WASHC1: variants seen among roughly 807,000 people sequenced by gnomAD.
WASHC1 encodes WASH complex subunit 1.
In WASHC1, 11 loss-of-function variants were observed where a neutral mutation model predicts 26.1. That is an observed-to-expected ratio of 0.42 (90% CI 0.27 to 0.70). The LOEUF is 0.70. Among genes scored for constraint, WASHC1 ranks in the 30% least tolerant of loss-of-function variants. The pLI is 0.24. For synonymous variants in WASHC1, 37 were observed against 126.6 expected (o/e 0.29, Z 4.75); for missense variants, 96 against 304.9 (o/e 0.31, Z 5.10).
chr9:17,058 C>A (rs575380701), exon 7 of WASHC1: 24 of 1,480,278 alleles, frequency 1.6e-5, no homozygotes, highest in Non-Finnish European at 1.9e-5. Flanking sequence ...CCCAGGTCGG[C>A]ACTGTACATG....
chr9:21,992 G>GGT (rs1310900200), intron 2 of WASHC1, among the ~76,000 whole-genome samples: 1 of 144,946 alleles, frequency 6.9e-6, no homozygotes, highest in East Asian at 2.1e-4. Flanking sequence ...ACCCTGCCAG[G>GGT]GCAACCTGCA....
Position 14,927 on chromosome 9 carries a change from T to C in WASHC1, c.1278A>G (p.Lys426=), listed in dbSNP as rs775261222. 7.6e-5 allele frequency: 105 copies of C among 1,379,122 alleles called. 7 individuals are homozygous for C. The highest frequency in any genetic ancestry group is 9.8e-5 in the Non-Finnish European group (99 of 1,012,536). 85.4% of individuals were successfully genotyped at this position (1,379,122 alleles called of 1,614,324 possible). The change falls in exon 11 of 11, where the codon AAA becomes AAG. Residue 426 remains lysine, a synonymous_variant. Transcript: ENST00000442898. ...CGGGCCCCTCACCAGCCCCAGGTCC[T>C]TTCCCAGAGATGCCTGGAGGGAAAA... is the stretch of plus-strand genomic sequence containing the variant.
chr9:22,202 G>GT (rs1817033435), intron 2 of WASHC1, among the ~76,000 whole-genome samples: 1 of 131,124 alleles, frequency 7.6e-6, no homozygotes, highest in Non-Finnish European at 1.6e-5. Context: ...AAGCCAAGTG[G>GT]TGTGTCATAG....
intron 2 of WASHC1, among the ~76,000 whole-genome samples, chr9:21,524 G>A (rs1342493495): frequency 4.9e-4 from 62 of 125,478 alleles, no homozygotes; most frequent in African/African-American, 1.3e-3. Context: ...CTCCCTTCTT[G>A]TCCCTTCCGT....
chr9:25,553 C>CA (rs1357863520), intron 1 of WASHC1, among the ~76,000 whole-genome samples: 1 of 3,570 alleles, frequency 2.8e-4, no homozygotes, highest in South Asian at 4.7e-3. Flanking sequence ...ACAGACTGGG[C>CA]AGTGGCTAGT....
chr9:27,267 G>A (rs200283130), intron 1 of WASHC1, among the ~76,000 whole-genome samples: 3 of 86,990 alleles, frequency 3.4e-5, no homozygotes, highest in African/African-American at 9.3e-5. Flanking sequence ...GCGGTCTTGA[G>A]TGCTGAGGGT....
At chr9:26,853 CTT>C (rs1216623106) in intron 1 of WASHC1, among the ~76,000 whole-genome samples, 1 of 22,576 alleles carries the variant, frequency 4.4e-5, no homozygotes, top group South Asian at 2.1e-3. Context: ...ACAAATCCCT[CTT>C]GGAGTTAGGG....
intron 2 of WASHC1, among the ~76,000 whole-genome samples, chr9:21,732 G>A (rs1193025872): frequency 6.7e-6 from 1 of 150,260 alleles, no homozygotes; most frequent in African/African-American, 2.5e-5. Flanking sequence ...GTGGCACCGT[G>A]GGGACACAAA....
intron 1 of WASHC1, chr9:28,718 G>A (rs558011408): frequency 2.1e-5 from 2 of 96,852 alleles, no homozygotes; most frequent in Admixed American, 2.1e-4. Flanking sequence ...TTTTTTTTTT[G>A]CATCTATGAA....
At chr9:14,653 A>C (rs1232800437) in exon 11 of WASHC1, 1 of 1,203,264 alleles carries the variant, frequency 8.3e-7, no homozygotes, top group South Asian at 1.4e-5. Flanking sequence ...TGTGGCCTCA[A>C]GCCAGCCTTC....
intron 2 of WASHC1, among the ~76,000 whole-genome samples, chr9:23,618 G>A (rs1461371323): frequency 8.7e-6 from 1 of 115,036 alleles, no homozygotes; most frequent in Non-Finnish European, 1.7e-5. Context: ...CTCCAGGTCT[G>A]GCGACAACCA....
At chr9:14,831 C>G (rs758468440) in exon 11 of WASHC1, 34 of 1,510,258 alleles carry the variant, frequency 2.3e-5, no homozygotes, top group Non-Finnish European at 2.8e-5. Flanking sequence ...CGTCCTCGTC[C>G]TCCTCTGCCT....
chr9:14,724 G>C (rs1815998165), exon 11 of WASHC1: 6 of 1,423,704 alleles, frequency 4.2e-6, no homozygotes, highest in Non-Finnish European at 2.9e-6. Context: ...AGGGAAGCAG[G>C]TCTGAGCAGC....
intron 2 of WASHC1, among the ~76,000 whole-genome samples, chr9:21,649 T>C (rs1816935790): frequency 1.3e-5 from 2 of 148,908 alleles, no homozygotes; most frequent in East Asian, 2.1e-4. Context: ...TCTTGAGTAA[T>C]CCGTGGGCCC....
rs933137162 is a variant in WASHC1 at position 15,845 on chromosome 9, G to C, written c.1195+64C>G. 1.1e-5 allele frequency: 15 copies of C among 1,374,738 alleles called. 2 individuals are homozygous for C. The highest frequency in any genetic ancestry group is 8.1e-5 in the African/African-American group (4 of 49,368). 85.2% of individuals were successfully genotyped at this position (1,374,738 alleles called of 1,614,324 possible). A position where few individuals can be genotyped will look rare whatever the true frequency, so the allele number is the denominator to read the frequency against. On this transcript the variant is annotated intron_variant, in intron 9 of 10. Transcript: ENST00000442898. ...GGCAGAAAGCACCCGGTGGACTCAGGGCTGGAGGGGAGGAGGCGATCTTGC... is the reference window on the plus strand; with the variant it reads ...GGCAGAAAGCACCCGGTGGACTCAGCGCTGGAGGGGAGGAGGCGATCTTGC...
intron 2 of WASHC1, among the ~76,000 whole-genome samples, chr9:22,015 T>C (rs1246362411): frequency 2.1e-5 from 3 of 145,916 alleles, no homozygotes; most frequent in Non-Finnish European, 3.0e-5. Context: ...TCCACCTCCC[T>C]ACCCTGCCCC....
At chr9:15,266 A>G in intron 9 of WASHC1, 117 bp from the exon 10 acceptor site, 1 of 294,894 alleles carries the variant, frequency 3.4e-6, no homozygotes, top group Non-Finnish European at 5.8e-6. Flanking sequence ...TTTCCTAGTT[A>G]GCTCAGAGCC....
exon 11 of WASHC1, chr9:14,753 T>A: frequency 1.3e-6 from 2 of 1,483,014 alleles, no homozygotes; most frequent in Non-Finnish European, 1.9e-6. Context: ...GCTGTGTCCA[T>A]GTCAGAGCAA....
chr9:24,194 TG>T (rs1817221801), intron 2 of WASHC1, among the ~76,000 whole-genome samples: 1 of 62,428 alleles, frequency 1.6e-5, no homozygotes, highest in Admixed American at 2.0e-4. Context: ...CCCGGGGCCA[TG>T]ATCTATGGCT....
Sources: allele counts gnomAD v4.1 joint callset (sites outside exome capture counted in the v4.1 genomes callset), GRCh38; gene constraint gnomAD v4.1.1; transcripts MANE v1.5; gene names NCBI Gene and HGNC (gene_info 2026-07-23, HGNC 2026-07-21).